The following THNSL1 variants were observed in gnomAD, a reference collection of about 807,000 sequenced individuals.
THNSL1 encodes the protein threonine synthase like 1.
In THNSL1, 48 loss-of-function variants were observed where a neutral mutation model predicts 50.4. The observed-to-expected ratio is 0.95, with a 90% CI of 0.76 to 1.21. THNSL1 has a LOEUF of 1.21. Ranked by LOEUF, THNSL1 falls within the 50% of genes most tolerant of loss-of-function variation. The pLI, the probability that THNSL1 is intolerant of heterozygous loss-of-function variation, is 0.00. For synonymous variants in THNSL1, 309 were observed against 306.1 expected (o/e 1.01, Z -0.10); for missense variants, 896 against 871.7 (o/e 1.03, Z -0.35).
upstream of THNSL1, among the ~76,000 whole-genome samples, chr10:25,016,498 A>C (rs1850578834): frequency 6.6e-6 from 1 of 152,200 alleles, no homozygotes; most frequent in African/African-American, 2.4e-5. Context: ...ACGCAAGGCC[A>C]GCGCCGCCAG....
the THNSL1 span, among the ~76,000 whole-genome samples, chr10:24,997,986 A>G: frequency 2.6e-4 from 40 of 152,278 alleles, no homozygotes; most frequent in East Asian, 7.5e-3. Flanking sequence ...CAACAGGCCA[A>G]GACTAGAGGA....
At chr10:25,010,322 T>A in the THNSL1 span, among the ~76,000 whole-genome samples, 7 of 152,154 alleles carry the variant, frequency 4.6e-5, no homozygotes, top group Non-Finnish European at 1.0e-4. Flanking sequence ...GAGAGATGAT[T>A]CCGGGCATCT....
chr10:24,956,589 C>T, the THNSL1 span, among the ~76,000 whole-genome samples: 3 of 151,548 alleles, frequency 2.0e-5, no homozygotes, highest in Non-Finnish European at 4.4e-5. Flanking sequence ...TACATGTATA[C>T]ATTGCATAAT....
At chr10:25,016,226 C>A, upstream of THNSL1, 1 of 1,087,510 alleles carries the variant, frequency 9.2e-7, no homozygotes, top group Non-Finnish European at 1.1e-6. Context: ...CTAGGTCTCC[C>A]CTCTTCCCTC....
chr10:24,981,645 C>T, the THNSL1 span, among the ~76,000 whole-genome samples: 3 of 152,208 alleles, frequency 2.0e-5, no homozygotes, highest in African/African-American at 4.8e-5. Flanking sequence ...TGTCTTTCTA[C>T]GCGCCAGGAA....
chr10:24,988,376 GTATATATGTGTATATATT>G, the THNSL1 span, among the ~76,000 whole-genome samples: 6 of 141,428 alleles, frequency 4.2e-5, no homozygotes, highest in South Asian at 2.2e-4. Flanking sequence ...ATTTATATAT[GTATATATGTGTATATATT>G]TATATATGTG....
At chr10:24,968,610 A>G in the THNSL1 span, among the ~76,000 whole-genome samples, 6 of 152,078 alleles carry the variant, frequency 3.9e-5, no homozygotes, top group Admixed American at 3.3e-4. Flanking sequence ...CCTCCTTTGT[A>G]TGCCTCTGAC....
the THNSL1 span, among the ~76,000 whole-genome samples, chr10:24,980,137 A>G: frequency 2.8e-4 from 43 of 152,192 alleles, no homozygotes; most frequent in African/African-American, 9.4e-4. Context: ...GATAATTTAC[A>G]AATACTGATT....
At chr10:25,021,133 G>C (rs1257328551) in intron 1 of THNSL1, among the ~76,000 whole-genome samples, 1 of 152,140 alleles carries the variant, frequency 6.6e-6, no homozygotes, top group African/African-American at 2.4e-5. Context: ...ACCCTGCCTT[G>C]TACCTACATA....
At chr10:25,006,988 A>T in the THNSL1 span, among the ~76,000 whole-genome samples, 1 of 152,224 alleles carries the variant, frequency 6.6e-6, no homozygotes, top group South Asian at 2.1e-4. Flanking sequence ...ACATATTGCT[A>T]TTAATAGTAT....
At chr10:25,017,128 A>T (rs1310600332) in intron 1 of THNSL1, among the ~76,000 whole-genome samples, 1 of 152,244 alleles carries the variant, frequency 6.6e-6, no homozygotes, top group Admixed American at 6.5e-5. Context: ...TCCAGGAACC[A>T]GTGGACCTGC....
At chr10:24,971,105 C>CTT in the THNSL1 span, among the ~76,000 whole-genome samples, 26 of 145,504 alleles carry the variant, frequency 1.8e-4, no homozygotes, top group African/African-American at 6.0e-4. Flanking sequence ...ACACTCACTG[C>CTT]TTTTTTTTTT....
chr10:24,968,795 G>A, the THNSL1 span, among the ~76,000 whole-genome samples: 2 of 152,210 alleles, frequency 1.3e-5, no homozygotes, highest in African/African-American at 4.8e-5. Flanking sequence ...AGGCTCTGTT[G>A]TACACAGAGC....
the THNSL1 span, among the ~76,000 whole-genome samples, chr10:24,969,762 C>T: frequency 6.6e-6 from 1 of 152,204 alleles, no homozygotes; most frequent in Non-Finnish European, 1.5e-5. Context: ...TTTCTTATAA[C>T]ATTCCCTAAG....
chr10:24,994,564 C>T, the THNSL1 span, among the ~76,000 whole-genome samples: 1 of 151,974 alleles, frequency 6.6e-6, no homozygotes, highest in African/African-American at 2.4e-5. Context: ...GAACTCCTGA[C>T]CTCAAGCAAT....
rs1464677565 is a variant in THNSL1, at chr10:25,023,257, A to C, written c.34A>C (p.Lys12Gln). ...CTTTAACCGATGTCATCATCTGAAA[A>C]AGATAACACAGAAATGTTTTTCTAG... Reference protein sequence around the residue: ...LHFNRCHHLKKITQKCFSSIH... With the variant: ...LHFNRCHHLKQITQKCFSSIH... The change falls in exon 3 of 3, where the codon AAG becomes CAG. Residue 12 changes from lysine (K) to glutamine (Q), a missense_variant. Transcript: ENST00000376356. 1.9e-6 allele frequency: 3 copies of C among 1,613,056 alleles called. No individual in the cohort carries two copies. Among genetic ancestry groups the C allele is most frequent in the Non-Finnish European group, 2.5e-6 (3 of 1,179,510 alleles).
the THNSL1 span, among the ~76,000 whole-genome samples, chr10:24,988,718 A>G: frequency 1.2e-3 from 56 of 47,688 alleles, 1 homozygote; most frequent in African/African-American, 5.1e-3. Context: ...ATATATATAT[A>G]TATATATATT....
the THNSL1 span, among the ~76,000 whole-genome samples, chr10:25,010,483 G>A: frequency 2.6e-5 from 4 of 151,586 alleles, no homozygotes; most frequent in African/African-American, 9.7e-5. Flanking sequence ...TAGGGTACAT[G>A]TGCACAATGT....
upstream of THNSL1, among the ~76,000 whole-genome samples, chr10:25,012,329 G>A (rs1850465112): frequency 6.6e-6 from 1 of 152,244 alleles, no homozygotes; most frequent in Non-Finnish European, 1.5e-5. Flanking sequence ...ACTGCCTAGT[G>A]GAGCTGTGAG....
Sources: allele counts gnomAD v4.1 joint callset (sites outside exome capture counted in the v4.1 genomes callset), GRCh38; gene constraint gnomAD v4.1.1; transcripts MANE v1.5; gene names NCBI Gene and HGNC (gene_info 2026-07-23, HGNC 2026-07-21).